Variants in VAV2 observed in about 807,000 individuals in gnomAD.
The protein encoded by VAV2 is vav guanine nucleotide exchange factor 2.
VAV2 carries 67 observed loss-of-function variants against 132.5 expected under a neutral mutation model. That is an observed-to-expected ratio of 0.51 (90% CI 0.42 to 0.62). VAV2 has a LOEUF of 0.62. Among genes scored for constraint, VAV2 ranks in the 20% least tolerant of loss-of-function variants. The pLI is 0.00. For missense variants in VAV2, 938 were observed against 1,153.6 expected (o/e 0.81, Z 2.71); for synonymous variants, 492 against 443.5 (o/e 1.11, Z -1.37).
intron 3 of VAV2, among the ~76,000 whole-genome samples, chr9:133,842,515 G>A (rs1836766053): frequency 6.6e-6 from 1 of 152,240 alleles, no homozygotes; most frequent in African/African-American, 2.4e-5. Context: ...GGGATTTCTT[G>A]GGATGCGGGA....
intron 4 of VAV2, among the ~76,000 whole-genome samples, chr9:133,818,061 T>G (rs1338078110): frequency 6.6e-6 from 1 of 151,944 alleles, no homozygotes; most frequent in African/African-American, 2.4e-5. Context: ...AGGGCCCACG[T>G]AGAACAAAAA....
intron 2 of VAV2, among the ~76,000 whole-genome samples, chr9:133,896,952 G>A (rs1035120103): frequency 6.6e-6 from 1 of 151,826 alleles, no homozygotes; most frequent in African/African-American, 2.4e-5. Context: ...AAATTAGCCC[G>A]GCGTGGTGGC....
chr9:133,866,956 G>A (rs1316446172), intron 2 of VAV2, among the ~76,000 whole-genome samples: 1 of 152,130 alleles, frequency 6.6e-6, no homozygotes, highest in East Asian at 1.9e-4. Flanking sequence ...AGGTTCGAAT[G>A]TCAGCCTCCC....
rs1412693042 is a variant in VAV2 at position 133,780,705 on chromosome 9, G to A, written c.1729C>T (p.Pro577Ser). ...CTCTGGGGACTTACCAGATCTGCAG[G>A]AGAAGCTGGAAAGGAAGCAGGTCAG... Reference protein sequence around the residue: ...EVIPPCKFTSPADLDASGAGP... With the variant: ...EVIPPCKFTSSADLDASGAGP... The change falls in exon 20 of 30, where the codon CCT becomes TCT. Residue 577 changes from proline to serine, a missense_variant. Pro to Ser is a moderately conservative substitution (Grantham distance 74). Transcript: ENST00000371850. 1.6e-6 allele frequency: 2 copies of A among 1,272,936 alleles called. No individual in the cohort carries two copies. The highest frequency in any genetic ancestry group is 2.0e-6 in the Non-Finnish European group (2 of 1,001,066). 78.9% of individuals were successfully genotyped at this position (1,272,936 alleles called of 1,614,324 possible). A position where few individuals can be genotyped will look rare whatever the true frequency, so the allele number is the denominator to read the frequency against.
intron 1 of VAV2, among the ~76,000 whole-genome samples, chr9:133,987,909 G>A (rs1327221011): frequency 6.6e-6 from 1 of 152,224 alleles, no homozygotes; most frequent in African/African-American, 2.4e-5. Context: ...ATGACCAGGT[G>A]GGCAACTGGG....
Position 133,796,542 on chromosome 9 carries a change from C to T in VAV2, c.937-18G>A, listed in dbSNP as rs1834722269. The T allele has an allele frequency of 8.7e-6, 14 of 1,608,240 alleles. No individual in the cohort carries two copies. The highest frequency in any genetic ancestry group is 2.2e-5 in the East Asian group (1 of 44,830). On this transcript the variant is annotated intron_variant, in intron 10 of 29. Transcript: ENST00000371850. ...GTGCACTCCTGGGAGGGCGACAGGG[C>T]GATGGGAGAGCCCTCCCCGAGGAAA...
At position 133,802,458 on chromosome 9, in the gene VAV2, C is replaced by T. The variant is rs113042060; in HGVS notation, c.836+3623G>A. On this transcript the variant is annotated intron_variant, in intron 9 of 29. Coordinates refer to ENST00000371850, the MANE Select transcript of VAV2 (RefSeq NM_001134398.2). The surrounding 1 kb of genome is among the most constrained non-coding windows in gnomAD (Gnocchi z 5.8). ...CCTCCCCTGGAGAAAGTTGTTCAGG[C>T]GCAAATGATTTCTGTCCTGATAGAG... is the stretch of plus-strand genomic sequence containing the variant. Among the ~76,000 whole-genome samples the T allele has an allele frequency of 0.031, 4,626 of 149,412 alleles. 225 individuals are homozygous for T. Among genetic ancestry groups the T allele is most frequent in the African/African-American group, 0.11 (4,380 of 40,664 alleles).
At chr9:133,850,092 C>T (rs1837107127) in intron 3 of VAV2, among the ~76,000 whole-genome samples, 1 of 152,222 alleles carries the variant, frequency 6.6e-6, no homozygotes, top group Non-Finnish European at 1.5e-5. Context: ...GCGGCTGTGC[C>T]TCACTGGTTG....
At chr9:133,806,477 G>A (rs982339432) in intron 8 of VAV2, among the ~76,000 whole-genome samples, 24 of 152,184 alleles carry the variant, frequency 1.6e-4, no homozygotes, top group South Asian at 4.1e-4. Context: ...AGCGTGGGGC[G>A]GCACAGCGCA....
At chr9:133,954,491 G>A (rs531849836) in intron 1 of VAV2, among the ~76,000 whole-genome samples, 1 of 152,398 alleles carries the variant, frequency 6.6e-6, no homozygotes, top group African/African-American at 2.4e-5. Flanking sequence ...CAAGTGCGCA[G>A]TGAATCTGAG....
chr9:133,832,780 G>A (rs1377824062), intron 4 of VAV2, among the ~76,000 whole-genome samples: 13 of 151,954 alleles, frequency 8.6e-5, no homozygotes, highest in South Asian at 2.1e-4. Context: ...ACTGGTCTCC[G>A]ACTCCTGACC....
chr9:133,811,558 G>C (rs1835358858), intron 5 of VAV2, among the ~76,000 whole-genome samples: 1 of 152,188 alleles, frequency 6.6e-6, no homozygotes, highest in African/African-American at 2.4e-5. Flanking sequence ...CCACATAGCA[G>C]CTGCTGGCAA....
chr9:133,883,749 G>C lies in VAV2; in HGVS notation c.322-22317C>G, dbSNP rs1838592078. On this transcript the variant is annotated intron_variant, in intron 2 of 29. Transcript: ENST00000371850. This position sits in a 1 kb window ranked among gnomAD's most constrained non-coding sequence, Gnocchi z 4.2. Reference sequence around the variant, plus strand: ...GCTCACTACCCAAGGTGGCGGACGAGAAGCCCTCCCGGGATCCAGTGCCAC... The same window carrying C: ...GCTCACTACCCAAGGTGGCGGACGACAAGCCCTCCCGGGATCCAGTGCCAC... 6.6e-6 allele frequency among the ~76,000 whole-genome samples: 1 copy of C among 152,206 alleles called. No homozygotes were observed. The highest frequency in any genetic ancestry group is 2.4e-5 in the African/African-American group (1 of 41,444).
At chr9:133,911,652 T>C (rs528330294) in intron 2 of VAV2, among the ~76,000 whole-genome samples, 1 of 152,342 alleles carries the variant, frequency 6.6e-6, no homozygotes, top group South Asian at 2.1e-4. Context: ...GCAGGCACTT[T>C]AGCTGTGCAT....
rs1223553525 is a variant in VAV2 at position 133,804,502 on chromosome 9, CTG to C, written c.836+1577_836+1578del. ...CCAGGGGTGTCGCCGGGCAGCCTGACTGTGGAGGGAGGCTCCTGGGAGAGGAC... is the reference window on the plus strand; with the variant it reads ...CCAGGGGTGTCGCCGGGCAGCCTGACTGGAGGGAGGCTCCTGGGAGAGGAC... On this transcript the variant is annotated intron_variant, in intron 9 of 29. Coordinates refer to ENST00000371850, the MANE Select transcript of VAV2 (RefSeq NM_001134398.2). The surrounding 1 kb of genome is among the most constrained non-coding windows in gnomAD (Gnocchi z 4.5). Among the ~76,000 whole-genome samples, 1 of 152,230 alleles carries C rather than the reference CTG, an allele frequency of 6.6e-6. No individual in the cohort carries two copies. Among genetic ancestry groups the C allele is most frequent in the Non-Finnish European group, 1.5e-5 (1 of 68,040 alleles).
chr9:133,930,145 C>T (rs577260362), intron 2 of VAV2, among the ~76,000 whole-genome samples: 2 of 152,212 alleles, frequency 1.3e-5, no homozygotes, highest in African/African-American at 2.4e-5. Flanking sequence ...TGCTGGTCAG[C>T]GCCCTCCCCT....
chr9:133,832,175 C>T (rs1383602616), intron 4 of VAV2, among the ~76,000 whole-genome samples: 1 of 152,166 alleles, frequency 6.6e-6, no homozygotes, highest in Non-Finnish European at 1.5e-5. Context: ...GGCATTTAAC[C>T]CCCTAATCAC....
At chr9:133,907,651 A>G (rs1839708409) in intron 2 of VAV2, among the ~76,000 whole-genome samples, 1 of 152,160 alleles carries the variant, frequency 6.6e-6, no homozygotes, top group Non-Finnish European at 1.5e-5. Flanking sequence ...GGACGCTGAC[A>G]TTTCCTAGAT....
rs970356010 is a variant in VAV2 at position 133,935,686 on chromosome 9, A to G, written c.321+3417T>C. ...ACCGTGGTGAACGTCCCAGCTCCCCAGCCTCCGCTGGCCCCAGGCCAGACT... is the reference window on the plus strand; with the variant it reads ...ACCGTGGTGAACGTCCCAGCTCCCCGGCCTCCGCTGGCCCCAGGCCAGACT... On this transcript the variant is annotated intron_variant, in intron 2 of 29. Coordinates refer to ENST00000371850, the MANE Select transcript of VAV2 (RefSeq NM_001134398.2). The surrounding 1 kb of genome is among the most constrained non-coding windows in gnomAD (Gnocchi z 5.2). Among the ~76,000 whole-genome samples, 10 of 152,318 alleles carry G rather than the reference A, an allele frequency of 6.6e-5. No homozygotes were observed. The highest frequency in any genetic ancestry group is 2.4e-4 in the African/African-American group (10 of 41,584).
Sources: allele counts gnomAD v4.1 joint callset (sites outside exome capture counted in the v4.1 genomes callset), GRCh38; gene constraint gnomAD v4.1.1; non-coding constraint Gnocchi (gnomAD v3.1); transcripts MANE v1.5; gene names NCBI Gene and HGNC (gene_info 2026-07-23, HGNC 2026-07-21).